Variants in GALK2 observed in about 807,000 individuals in gnomAD.
The protein encoded by GALK2 is galactokinase 2.
A neutral mutation model predicts 52.4 loss-of-function variants in GALK2; 36 were observed. The observed-to-expected ratio is 0.69, with a 90% CI of 0.53 to 0.91. The LOEUF (loss-of-function observed/expected upper bound fraction) is 0.91, where lower values mean the gene tolerates loss of function less well. GALK2 is among the 40% of genes least tolerant of loss of function. The pLI, the probability that GALK2 is intolerant of heterozygous loss-of-function variation, is 0.00. For synonymous variants in GALK2, 176 were observed against 199.1 expected (o/e 0.88, Z 0.98); for missense variants, 579 against 559.1 (o/e 1.04, Z -0.36).
At position 49,328,839 on chromosome 15, in the gene GALK2, A is replaced by G. The variant is rs935805510; in HGVS notation, c.*680A>G. Reference sequence around the variant, plus strand: ...AATTCAGACTCATTTGAATATTTGTAAACCATGTAATATATAAATAACCAC... The same window carrying G: ...AATTCAGACTCATTTGAATATTTGTGAACCATGTAATATATAAATAACCAC... On this transcript the variant is annotated 3_prime_UTR_variant, in exon 10 of 10. Coordinates refer to ENST00000560031, the MANE Select transcript of GALK2 (RefSeq NM_002044.4). The G allele has an allele frequency of 2.2e-6, 3 of 1,394,270 alleles. No homozygotes were observed. Among genetic ancestry groups the G allele is most frequent in the Non-Finnish European group, 2.8e-6 (3 of 1,074,172 alleles). The allele number at this position is 1,394,270 out of a possible 1,614,324, so 86.4% of individuals were successfully genotyped here.
At chr15:49,259,021 G>A (rs2091959160) in intron 5 of GALK2, among the ~76,000 whole-genome samples, 1 of 151,130 alleles carries the variant, frequency 6.6e-6, no homozygotes, top group Non-Finnish European at 1.5e-5. Context: ...ATTTGTTTGA[G>A]TTCACTGTAG....
intron 3 of GALK2, among the ~76,000 whole-genome samples, chr15:49,363,354 T>G (rs2044581618): frequency 6.6e-6 from 1 of 152,094 alleles, no homozygotes; most frequent in Non-Finnish European, 1.5e-5. Context: ...TGGTTAGCTG[T>G]ATTCCTAGGT....
At position 49,329,769 on chromosome 15, in the gene GALK2, G is replaced by A. The variant is rs993068481; in HGVS notation, c.*1610G>A. ...TGCCATTTTCCACAAAGGATTTGTG[G>A]TTGGTATATAATTCTTTAAAGATAC... is the stretch of plus-strand genomic sequence containing the variant. On this transcript the variant is annotated 3_prime_UTR_variant, in exon 10 of 10. Coordinates refer to ENST00000560031, the MANE Select transcript of GALK2 (RefSeq NM_002044.4). 7 of 958,038 alleles carry A rather than the reference G, an allele frequency of 7.3e-6. No individual in the cohort carries two copies. The East Asian group carries it at 3.5e-4, about 48-fold the overall frequency. 59.3% of individuals were successfully genotyped at this position (958,038 alleles called of 1,614,324 possible).
At chr15:49,308,986 G>T (rs1402694074) in intron 8 of GALK2, among the ~76,000 whole-genome samples, 1 of 152,204 alleles carries the variant, frequency 6.6e-6, no homozygotes, top group African/African-American at 2.4e-5. Flanking sequence ...TATGGTAGAA[G>T]CTGAAGGGTC....
intron 3 of GALK2, among the ~76,000 whole-genome samples, chr15:49,222,634 T>C (rs940579042): frequency 2.6e-5 from 4 of 152,202 alleles, no homozygotes; most frequent in African/African-American, 9.6e-5. Context: ...GCTTTCTCTA[T>C]GTCTATTGAG....
intron 5 of GALK2, among the ~76,000 whole-genome samples, chr15:49,275,534 T>C (rs7176455): frequency 0.66 from 100,237 of 152,066 alleles, 33,636 homozygotes; most frequent in African/African-American, 0.74. Flanking sequence ...TTATGGCAGC[T>C]GACTATAACA....
chr15:49,329,837 G>C lies in GALK2; in HGVS notation c.*1678G>C. ...AAAAAAAAAAAAGGCACCTGTCATT[G>C]TTTTGCTGTTCCATTTACAATTTTC... On this transcript the variant is annotated 3_prime_UTR_variant, in exon 10 of 10. Coordinates refer to ENST00000560031, the MANE Select transcript of GALK2 (RefSeq NM_002044.4). 1 of 799,664 alleles carries C rather than the reference G, an allele frequency of 1.3e-6. No homozygotes were observed. The highest frequency in any genetic ancestry group is 1.5e-6 in the Non-Finnish European group (1 of 664,974). The allele number at this position is 799,664 out of a possible 1,614,324, so 49.5% of individuals were successfully genotyped here.
chr15:49,173,686 A>G (rs1306117720), intron 1 of GALK2, among the ~76,000 whole-genome samples: 1 of 151,740 alleles, frequency 6.6e-6, no homozygotes, highest in African/African-American at 2.4e-5. Context: ...ACTTTTTTTC[A>G]CTTAATCTTT....
intron 3 of GALK2, among the ~76,000 whole-genome samples, chr15:49,347,698 T>C (rs1008568873): frequency 6.6e-6 from 1 of 152,128 alleles, no homozygotes; most frequent in African/African-American, 2.4e-5. Flanking sequence ...GAAGTATTGA[T>C]AACCTTCAAT....
At chr15:49,247,412 T>G (rs1290698831) in intron 5 of GALK2, among the ~76,000 whole-genome samples, 2 of 151,420 alleles carry the variant, frequency 1.3e-5, no homozygotes, top group African/African-American at 2.4e-5. Flanking sequence ...CCCCTGACAG[T>G]GGCAAGAGAG....
intron 1 of GALK2, among the ~76,000 whole-genome samples, chr15:49,177,078 G>T (rs571471351): frequency 4.0e-5 from 6 of 151,722 alleles, no homozygotes; most frequent in African/African-American, 1.5e-4. Context: ...ATTTATGTTT[G>T]TCTATTATTT....
chr15:49,354,631 G>C (rs2042801675), intron 3 of GALK2, among the ~76,000 whole-genome samples: 2 of 152,236 alleles, frequency 1.3e-5, no homozygotes. Context: ...TAGCACAGCA[G>C]TCTGAGATCA....
rs550091878 is a variant in GALK2, at chr15:49,319,509, A to C, written c.968-95A>C. ...TGAAGTTTAAGATACTGATAATGAA[A>C]ACAGAAATGAAAGTCTTTAAAAGTG... On this transcript the variant is annotated intron_variant, in intron 8 of 9. Coordinates refer to ENST00000560031, the MANE Select transcript of GALK2 (RefSeq NM_002044.4). The C allele has an allele frequency of 4.0e-6, 4 of 992,176 alleles. No homozygotes were observed. In the Admixed American group the frequency reaches 9.9e-5, roughly 25 times the overall value. 61.5% of individuals were successfully genotyped at this position (992,176 alleles called of 1,614,324 possible). A position where few individuals can be genotyped will look rare whatever the true frequency, so the allele number is the denominator to read the frequency against.
chr15:49,172,089 A>G (rs997586237), intron 1 of GALK2, among the ~76,000 whole-genome samples: 1 of 152,156 alleles, frequency 6.6e-6, no homozygotes, highest in Non-Finnish European at 1.5e-5. Context: ...TTAATCTTCT[A>G]CATAAAACAT....
intron 5 of GALK2, among the ~76,000 whole-genome samples, chr15:49,277,857 A>G (rs939899913): frequency 1.8e-4 from 27 of 152,190 alleles, no homozygotes; most frequent in Non-Finnish European, 3.1e-4. Context: ...GTGAAGAGGT[A>G]GGGCCGCTGG....
chr15:49,291,170 C>CTTTTTGT (rs894184447), intron 7 of GALK2, among the ~76,000 whole-genome samples: 1 of 147,338 alleles, frequency 6.8e-6, no homozygotes, highest in African/African-American at 2.5e-5. Flanking sequence ...TTTTTTTTTG[C>CTTTTTGT]TTTTTGTTTT....
At chr15:49,176,582 G>C (rs1424941148) in intron 1 of GALK2, among the ~76,000 whole-genome samples, 1 of 152,092 alleles carries the variant, frequency 6.6e-6, no homozygotes, top group Non-Finnish European at 1.5e-5. Context: ...TTTTTGAGAG[G>C]ATCATGAAGT....
At chr15:49,238,442 A>G (rs1187563947) in intron 4 of GALK2, among the ~76,000 whole-genome samples, 1 of 152,198 alleles carries the variant, frequency 6.6e-6, no homozygotes, top group African/African-American at 2.4e-5. Context: ...GCTGAATTCT[A>G]ATTTGACTAT....
chr15:49,325,382 T>C (rs1835227), intron 9 of GALK2, among the ~76,000 whole-genome samples: 3,385 of 152,330 alleles, frequency 0.022, 103 homozygotes, highest in South Asian at 0.077. Context: ...TGATGTGCAA[T>C]AGCTCAGGAG....
Sources: allele counts gnomAD v4.1 joint callset (sites outside exome capture counted in the v4.1 genomes callset), GRCh38; gene constraint gnomAD v4.1.1; transcripts MANE v1.5; gene names NCBI Gene and HGNC (gene_info 2026-07-23, HGNC 2026-07-21).